Variants in FOXN3 observed in about 807,000 individuals in gnomAD.
FOXN3 encodes the protein forkhead box N3, also known as forkhead box protein N3.
FOXN3 carries 7 observed loss-of-function variants against 38.4 expected under a neutral mutation model. The observed-to-expected ratio is 0.18, with a 90% CI of 0.10 to 0.34. FOXN3 has a LOEUF of 0.34. Among genes scored for constraint, FOXN3 ranks in the 10% least tolerant of loss-of-function variants. FOXN3 has a pLI of 1.00. For synonymous variants in FOXN3, 230 were observed against 242.2 expected (o/e 0.95, Z 0.47); for missense variants, 456 against 613.4 (o/e 0.74, Z 2.71).
At chr14:89,555,880 T>TGTGTGGGG (rs1183259048) in intron 1 of FOXN3, among the ~76,000 whole-genome samples, 6 of 99,696 alleles carry the variant, frequency 6.0e-5, no homozygotes, top group Non-Finnish European at 1.2e-4. Context: ...TGTGTGTATG[T>TGTGTGGGG]GGGGGTGTAT....
At chr14:89,553,238 CAAAAAAAAAAA>C (rs146581490) in intron 1 of FOXN3, among the ~76,000 whole-genome samples, 3 of 79,034 alleles carry the variant, frequency 3.8e-5, no homozygotes, top group African/African-American at 9.2e-5. Flanking sequence ...GACCCTGTCC[CAAAAAAAAAAA>C]AAAAAAAAAA....
At chr14:89,494,114 A>C (rs1893634130) in intron 1 of FOXN3, 1 of 152,126 alleles carries the variant, frequency 6.6e-6, no homozygotes, top group African/African-American at 2.4e-5. Flanking sequence ...TATATTTTAA[A>C]TTCTTTTACA....
At chr14:89,260,137 T>C (rs1284542183) in intron 4 of FOXN3, among the ~76,000 whole-genome samples, 1 of 152,252 alleles carries the variant, frequency 6.6e-6, no homozygotes, top group Non-Finnish European at 1.5e-5. Flanking sequence ...ATGATTTTTA[T>C]AATCCTGGGA....
intron 3 of FOXN3, among the ~76,000 whole-genome samples, chr14:89,339,316 G>A (rs1172535707): frequency 6.6e-6 from 1 of 152,160 alleles, no homozygotes; most frequent in Non-Finnish European, 1.5e-5. Flanking sequence ...CAAAACAGAG[G>A]CTCAGGGACC....
Position 89,159,376 on chromosome 14 carries a change from TC to T in FOXN3, c.*3037del, listed in dbSNP as rs1251587093. On this transcript the variant is annotated 3_prime_UTR_variant, in exon 6 of 6. Coordinates refer to ENST00000557258, the MANE Select transcript of FOXN3 (RefSeq NM_005197.4). ...TCACTAAAGGTTCCCCGACAAGTCT[TC>T]CGGCAGATCCAACGAAGGGAGACTC... 6.6e-6 allele frequency: 1 copy of T among 152,668 alleles called. No homozygotes were observed. The highest frequency in any genetic ancestry group is 2.4e-5 in the African/African-American group (1 of 41,456). 9.5% of individuals were successfully genotyped at this position (152,668 alleles called of 1,614,324 possible).
intron 2 of FOXN3, among the ~76,000 whole-genome samples, chr14:89,389,729 T>C (rs185912932): frequency 2.6e-5 from 4 of 152,242 alleles, no homozygotes; most frequent in African/African-American, 7.2e-5. Flanking sequence ...AAATTCACCA[T>C]ACAAAGGGTA....
chr14:89,551,218 A>C (rs1894999250), intron 1 of FOXN3, among the ~76,000 whole-genome samples: 1 of 152,208 alleles, frequency 6.6e-6, no homozygotes, highest in African/African-American at 2.4e-5. Context: ...TAGGATGGTG[A>C]GGTGGAGGAC....
At chr14:89,291,489 T>G in intron 3 of FOXN3, 1 of 599,334 alleles carries the variant, frequency 1.7e-6, no homozygotes, top group Non-Finnish European at 3.3e-6. Flanking sequence ...CAGACACTCT[T>G]GCTTACCCCG....
chr14:89,191,708 C>T (rs932924870), intron 4 of FOXN3, among the ~76,000 whole-genome samples: 2 of 147,120 alleles, frequency 1.4e-5, no homozygotes, highest in South Asian at 4.3e-4. Flanking sequence ...GGCCCACAAG[C>T]GATTAATGAT....
intron 4 of FOXN3, among the ~76,000 whole-genome samples, chr14:89,270,084 G>A (rs1886101769): frequency 6.6e-6 from 1 of 152,204 alleles, no homozygotes; most frequent in Admixed American, 6.5e-5. Context: ...CAGATCACAA[G>A]CAATTCCAGC....
intron 3 of FOXN3, among the ~76,000 whole-genome samples, chr14:89,300,699 G>T (rs1015832489): frequency 1.3e-5 from 2 of 152,348 alleles, no homozygotes; most frequent in Non-Finnish European, 2.9e-5. Context: ...TGATGACATA[G>T]AAGGGACACC....
chr14:89,284,771 G>A (rs1886567369), intron 3 of FOXN3, among the ~76,000 whole-genome samples: 1 of 152,180 alleles, frequency 6.6e-6, no homozygotes, highest in South Asian at 2.1e-4. Context: ...AGAGGACCTT[G>A]CCGGCCAGCA....
chr14:89,254,672 C>T (rs1885563316), intron 4 of FOXN3, among the ~76,000 whole-genome samples: 1 of 152,218 alleles, frequency 6.6e-6, no homozygotes, highest in African/African-American at 2.4e-5. Context: ...TACCAGTGTG[C>T]TGGCTCTGCT....
intron 2 of FOXN3, among the ~76,000 whole-genome samples, chr14:89,386,911 G>A (rs767250937): frequency 1.3e-5 from 2 of 152,118 alleles, no homozygotes; most frequent in Non-Finnish European, 1.5e-5. Flanking sequence ...GACCCCATCC[G>A]TATGGTCTCA....
intron 4 of FOXN3, among the ~76,000 whole-genome samples, chr14:89,255,971 C>T (rs1203500832): frequency 6.6e-6 from 1 of 152,176 alleles, no homozygotes; most frequent in African/African-American, 2.4e-5. Context: ...CAAGACACCT[C>T]CCCATGAGTG....
chr14:89,525,768 T>C (rs1894420633), intron 1 of FOXN3, among the ~76,000 whole-genome samples: 1 of 152,080 alleles, frequency 6.6e-6, no homozygotes, highest in African/African-American at 2.4e-5. Context: ...TTCTGCTTTA[T>C]TCTATGAGTC....
intron 4 of FOXN3, 117 bp from the exon 5 acceptor site, chr14:89,180,923 CAGAG>C (rs1197097183): frequency 4.1e-6 from 2 of 493,020 alleles, no homozygotes; most frequent in East Asian, 3.2e-5. Flanking sequence ...AGGGCAGAGA[CAGAG>C]AGAAACACAC....
chr14:89,281,263 G>A lies in FOXN3; in HGVS notation c.681-249C>T, dbSNP rs911389030. 4.6e-5 allele frequency among the ~76,000 whole-genome samples: 7 copies of A among 152,144 alleles called. No individual in the cohort carries two copies. The East Asian group carries it at 5.8e-4, about 13-fold the overall frequency. On this transcript the variant is annotated intron_variant, in intron 3 of 5. Transcript: ENST00000557258. ...CTCACACCTGGGCACTGGAATGACC[G>A]ACAGATACACAAAATGGCAAATTCA... is the stretch of plus-strand genomic sequence containing the variant.
At chr14:89,182,861 T>C (rs1358032752) in intron 4 of FOXN3, among the ~76,000 whole-genome samples, 1 of 152,164 alleles carries the variant, frequency 6.6e-6, no homozygotes, top group Non-Finnish European at 1.5e-5. Context: ...GGTACTGAGA[T>C]AATGCAAGGA....
Sources: allele counts gnomAD v4.1 joint callset (sites outside exome capture counted in the v4.1 genomes callset), GRCh38; gene constraint gnomAD v4.1.1; transcripts MANE v1.5; gene names NCBI Gene and HGNC (gene_info 2026-07-23, HGNC 2026-07-21).